Variants in SNTG2 observed in about 807,000 individuals in gnomAD.
SNTG2 encodes the protein gamma-2-syntrophin.
In SNTG2, 74 loss-of-function variants were observed where a neutral mutation model predicts 70.9. That is an observed-to-expected ratio of 1.04 (90% CI 0.86 to 1.27). The LOEUF is 1.27. SNTG2 is among the 50% of genes most tolerant of loss of function. The probability of loss-of-function intolerance (pLI) is 0.00; values close to 1 mark genes in which losing one functional copy is unlikely to be tolerated. For synonymous variants in SNTG2, 278 were observed against 273.8 expected (o/e 1.02, Z -0.15); for missense variants, 717 against 690.7 (o/e 1.04, Z -0.43).
chr2:1,303,405 G>T (rs1187417594), intron 14 of SNTG2, among the ~76,000 whole-genome samples: 1 of 151,794 alleles, frequency 6.6e-6, no homozygotes, highest in Non-Finnish European at 1.5e-5. Context: ...CAAACATGCA[G>T]TTTCAAGGCA....
At chr2:1,276,127 G>T (rs1679254606) in intron 14 of SNTG2, among the ~76,000 whole-genome samples, 1 of 152,238 alleles carries the variant, frequency 6.6e-6, no homozygotes, top group South Asian at 2.1e-4. Context: ...ACACTGAAGT[G>T]CAAAGTGAAG....
intron 14 of SNTG2, among the ~76,000 whole-genome samples, chr2:1,291,419 G>T (rs1477693010): frequency 6.6e-6 from 1 of 152,058 alleles, no homozygotes; most frequent in South Asian, 2.1e-4. Context: ...AGAAATCATT[G>T]CCAAGTCCAG....
At chr2:1,279,075 A>ATCACCCCTC in intron 14 of SNTG2, among the ~76,000 whole-genome samples, 1 of 78,994 alleles carries the variant, frequency 1.3e-5, no homozygotes, top group Non-Finnish European at 2.7e-5. Flanking sequence ...CAGTGCGCGA[A>ATCACCCCTC]TGACCCCTCT....
At chr2:1,256,778 TG>T (rs918367886) in intron 12 of SNTG2, among the ~76,000 whole-genome samples, 8 of 152,068 alleles carry the variant, frequency 5.3e-5, no homozygotes, top group Non-Finnish European at 1.2e-4. Flanking sequence ...ATCACTCACA[TG>T]AAGTCACCTG....
intron 8 of SNTG2, among the ~76,000 whole-genome samples, chr2:1,189,584 A>C (rs140447737): frequency 1.3e-5 from 2 of 149,972 alleles, no homozygotes; most frequent in Non-Finnish European, 3.0e-5. Context: ...TTTGAGATGG[A>C]GTCTCGCTCT....
chr2:1,157,247 A>T (rs149016182), intron 6 of SNTG2, among the ~76,000 whole-genome samples: 2,962 of 152,196 alleles, frequency 0.019, 50 homozygotes, highest in South Asian at 0.028. Flanking sequence ...AGACTTGGTA[A>T]GTTTGGCAGG....
intron 2 of SNTG2, among the ~76,000 whole-genome samples, chr2:1,096,888 G>C (rs1051277458): frequency 5.3e-5 from 8 of 152,178 alleles, no homozygotes; most frequent in Non-Finnish European, 1.0e-4. Context: ...CCCGTGGTAT[G>C]GATGTCCCAG....
intron 16 of SNTG2, among the ~76,000 whole-genome samples, chr2:1,326,441 A>T (rs373117447): frequency 6.6e-6 from 1 of 152,194 alleles, no homozygotes; most frequent in African/African-American, 2.4e-5. Context: ...AAACAGCAAC[A>T]CAAGTCACTG....
intron 12 of SNTG2, among the ~76,000 whole-genome samples, chr2:1,256,806 G>A (rs1281035762): frequency 6.6e-6 from 1 of 152,122 alleles, no homozygotes; most frequent in Non-Finnish European, 1.5e-5. Context: ...GTGTCAGCAG[G>A]GGGAAGCCGA....
At chr2:1,258,737 C>T (rs776710349) in intron 12 of SNTG2, among the ~76,000 whole-genome samples, 7 of 152,132 alleles carry the variant, frequency 4.6e-5, no homozygotes, top group Non-Finnish European at 5.9e-5. Context: ...GATTAAATAT[C>T]TGAGCTTGAA....
intron 14 of SNTG2, among the ~76,000 whole-genome samples, chr2:1,284,902 C>CAATT (rs67024888): frequency 0.1 from 15,361 of 151,222 alleles, 868 homozygotes; most frequent in South Asian, 0.19. Flanking sequence ...TACAGGGACA[C>CAATT]AATAGGAGAT....
At chr2:1,352,779 C>T (rs1239463694) in intron 16 of SNTG2, among the ~76,000 whole-genome samples, 1 of 152,190 alleles carries the variant, frequency 6.6e-6, no homozygotes, top group Non-Finnish European at 1.5e-5. Context: ...ATTTAAATCT[C>T]TGTTTTCTCA....
At chr2:1,022,251 C>T (rs1277913698) in intron 1 of SNTG2, among the ~76,000 whole-genome samples, 1 of 151,980 alleles carries the variant, frequency 6.6e-6, no homozygotes, top group Non-Finnish European at 1.5e-5. Context: ...CCTGCGTTCC[C>T]ATGAATCCCT....
intron 1 of SNTG2, among the ~76,000 whole-genome samples, chr2:1,065,033 A>G (rs369264416): frequency 4.6e-5 from 7 of 152,192 alleles, no homozygotes; most frequent in East Asian, 3.9e-4. Context: ...AGGAGATTTT[A>G]TGAGAAAAGT....
chr2:988,371 G>C (rs1221278934), intron 1 of SNTG2, among the ~76,000 whole-genome samples: 1 of 152,218 alleles, frequency 6.6e-6, no homozygotes, highest in East Asian at 1.9e-4. Flanking sequence ...CCTGTTCTGT[G>C]TCCCTAGAGT....
At chr2:1,118,674 T>A (rs74519561) in intron 4 of SNTG2, among the ~76,000 whole-genome samples, 1 of 141,394 alleles carries the variant, frequency 7.1e-6, no homozygotes, top group East Asian at 2.1e-4. Context: ...AAAAAAAAAA[T>A]CTGTGAACTT....
intron 4 of SNTG2, among the ~76,000 whole-genome samples, chr2:1,102,168 G>A (rs1236668219): frequency 1.3e-5 from 2 of 152,192 alleles, no homozygotes; most frequent in African/African-American, 2.4e-5. Flanking sequence ...TGGAGTGAGC[G>A]AAACCGTGGT....
chr2:1,051,897 A>G (rs1221289837), intron 1 of SNTG2, among the ~76,000 whole-genome samples: 3 of 152,322 alleles, frequency 2.0e-5, no homozygotes, highest in East Asian at 3.9e-4. Flanking sequence ...GTTGTTGGAT[A>G]TTTTATTACA....
chr2:1,031,283 T>C (rs1014329640), intron 1 of SNTG2, among the ~76,000 whole-genome samples: 3 of 151,884 alleles, frequency 2.0e-5, no homozygotes, highest in African/African-American at 7.3e-5. Flanking sequence ...GGTCTGTCGC[T>C]GGTCTGTGCA....
Sources: allele counts gnomAD v4.1 joint callset (sites outside exome capture counted in the v4.1 genomes callset), GRCh38; gene constraint gnomAD v4.1.1; transcripts MANE v1.5; gene names NCBI Gene and HGNC (gene_info 2026-07-23, HGNC 2026-07-21).